CEP112: variants seen among roughly 807,000 people sequenced by gnomAD.
CEP112 encodes the protein centrosomal protein of 112 kDa.
In CEP112, 127 loss-of-function variants were observed where a neutral mutation model predicts 153.0. The observed-to-expected ratio is 0.83, with a 90% CI of 0.72 to 0.96. CEP112 has a LOEUF of 0.96. Among genes scored for constraint, CEP112 ranks in the 40% least tolerant of loss-of-function variants. CEP112 has a pLI of 0.00. For synonymous variants in CEP112, 358 were observed against 374.4 expected (o/e 0.96, Z 0.51); for missense variants, 1,089 against 1,101.2 (o/e 0.99, Z 0.16).
At chr17:66,014,634 G>A (rs1043267359) in intron 16 of CEP112, among the ~76,000 whole-genome samples, 2 of 152,102 alleles carry the variant, frequency 1.3e-5, no homozygotes, top group African/African-American at 4.8e-5. Context: ...TCTGCTGCCA[G>A]GATTCCAGAG....
At chr17:65,639,173 G>A (rs2044955847) in intron 25 of CEP112, among the ~76,000 whole-genome samples, 1 of 152,142 alleles carries the variant, frequency 6.6e-6, no homozygotes, top group Non-Finnish European at 1.5e-5. Context: ...TCAGATAAGA[G>A]AAGTTTTACT....
At chr17:66,030,530 TA>T (rs769397013) in intron 12 of CEP112, among the ~76,000 whole-genome samples, 1 of 152,188 alleles carries the variant, frequency 6.6e-6, no homozygotes, top group Non-Finnish European at 1.5e-5. Flanking sequence ...TTTAAGTGTA[TA>T]GGAACATTTA....
chr17:65,648,715 G>A (rs1040331360), intron 24 of CEP112, among the ~76,000 whole-genome samples: 4 of 152,128 alleles, frequency 2.6e-5, no homozygotes, highest in African/African-American at 4.8e-5. Flanking sequence ...TAAAAATAGC[G>A]AAGGGAGAAC....
chr17:66,036,252 T>C (rs910690370), intron 12 of CEP112, among the ~76,000 whole-genome samples: 1 of 152,198 alleles, frequency 6.6e-6, no homozygotes, highest in Non-Finnish European at 1.5e-5. Context: ...TACAGAGTTT[T>C]AGTCACGCAA....
chr17:66,100,778 T>C (rs1294898025), intron 6 of CEP112, among the ~76,000 whole-genome samples: 1 of 152,096 alleles, frequency 6.6e-6, no homozygotes, highest in African/African-American at 2.4e-5. Context: ...CATCTACATA[T>C]TCAACCAACC....
chr17:66,010,991 G>A (rs1016402074), intron 16 of CEP112, among the ~76,000 whole-genome samples: 3 of 152,062 alleles, frequency 2.0e-5, no homozygotes, highest in African/African-American at 7.2e-5. Flanking sequence ...TTAAGGAGGA[G>A]TCCCTCCTCC....
At chr17:65,784,423 T>G (rs1271889245) in intron 21 of CEP112, among the ~76,000 whole-genome samples, 1 of 152,240 alleles carries the variant, frequency 6.6e-6, no homozygotes, top group African/African-American at 2.4e-5. Context: ...TTGCCTCAGC[T>G]TCTTTACTGG....
At chr17:65,864,675 G>T (rs1160172053) in intron 20 of CEP112, among the ~76,000 whole-genome samples, 1 of 152,192 alleles carries the variant, frequency 6.6e-6, no homozygotes, top group Non-Finnish European at 1.5e-5. Context: ...GCGTAGACTA[G>T]AAAGGCTGAG....
chr17:65,902,372 C>A, intron 19 of CEP112, 38 bp from the exon 20 acceptor site: 1 of 1,560,640 alleles, frequency 6.4e-7, no homozygotes, highest in Non-Finnish European at 8.7e-7. Context: ...ATCAACAGAA[C>A]ATCCTTGTCG....
At chr17:65,774,344 C>T (rs1339822978) in intron 21 of CEP112, among the ~76,000 whole-genome samples, 1 of 152,100 alleles carries the variant, frequency 6.6e-6, no homozygotes, top group Non-Finnish European at 1.5e-5. Flanking sequence ...ATAGAAGCCC[C>T]ATATAGGTCA....
At position 65,735,536 on chromosome 17, in the gene CEP112, A is replaced by C. The variant is rs150768412; in HGVS notation, c.2607+7532T>G. ...CCCAATGTAAGTAGAAAATATCGTT[A>C]AGGTGAAAATGTACTTAATATCCTG... On this transcript the variant is annotated intron_variant, in intron 23 of 26. Transcript: ENST00000535342. Among the ~76,000 whole-genome samples, 537 of 125,776 alleles carry C rather than the reference A, an allele frequency of 4.3e-3. 1 individual carries two copies. The highest frequency in any genetic ancestry group is 8.8e-3 in the South Asian group (26 of 2,966). The allele number at this position is 125,776 out of a possible 152,430, so 82.5% of individuals were successfully genotyped here.
intron 24 of CEP112, among the ~76,000 whole-genome samples, chr17:65,662,337 G>A (rs529997867): frequency 6.6e-6 from 1 of 152,296 alleles, no homozygotes; most frequent in Admixed American, 6.5e-5. Flanking sequence ...TACTGGGAGA[G>A]CAATAGTCAT....
intron 21 of CEP112, among the ~76,000 whole-genome samples, chr17:65,830,744 G>A (rs1244455304): frequency 1.3e-5 from 2 of 152,210 alleles, no homozygotes; most frequent in Non-Finnish European, 2.9e-5. Context: ...AAAAGGTTAA[G>A]ATTAAGTTCT....
intron 23 of CEP112, among the ~76,000 whole-genome samples, chr17:65,696,710 A>G (rs2048375460): frequency 6.6e-6 from 1 of 152,166 alleles, no homozygotes; most frequent in African/African-American, 2.4e-5. Flanking sequence ...AACTGCGGGC[A>G]ACTGCTTGAA....
intron 19 of CEP112, among the ~76,000 whole-genome samples, chr17:65,909,404 A>G (rs959434208): frequency 3.9e-5 from 6 of 152,196 alleles, no homozygotes; most frequent in South Asian, 2.1e-4. Context: ...CTACAACTCA[A>G]TGATAATTGC....
At chr17:65,715,506 A>G (rs961143211) in intron 23 of CEP112, among the ~76,000 whole-genome samples, 4 of 151,856 alleles carry the variant, frequency 2.6e-5, no homozygotes, top group African/African-American at 9.7e-5. Flanking sequence ...GCTGGAGTGC[A>G]GTGGTGTGAT....
intron 21 of CEP112, chr17:65,826,664 AG>A: frequency 1.7e-6 from 1 of 576,526 alleles, no homozygotes; most frequent in Non-Finnish European, 2.4e-6. Flanking sequence ...GTATGACGAA[AG>A]GTTGACTTCT....
chr17:65,679,265 A>ATGCATCAT (rs2047398133), intron 24 of CEP112, among the ~76,000 whole-genome samples: 1 of 149,148 alleles, frequency 6.7e-6, no homozygotes, highest in African/African-American at 2.5e-5. Context: ...TCTTAGAATG[A>ATGCATCAT]TGCATCATAC....
At chr17:65,751,824 G>A (rs1165270516) in intron 21 of CEP112, among the ~76,000 whole-genome samples, 1 of 152,148 alleles carries the variant, frequency 6.6e-6, no homozygotes, top group Non-Finnish European at 1.5e-5. Flanking sequence ...GACACAGAGA[G>A]GGTAAGTAAC....
Sources: gnomAD v4.1 joint callset for allele counts (sites outside exome capture counted in the v4.1 genomes callset) on GRCh38, gnomAD v4.1.1 for gene constraint, MANE v1.5 for transcripts, NCBI Gene and HGNC (gene_info 2026-07-23, HGNC 2026-07-21) for gene names.